The following FAM153A variants were observed in gnomAD, a reference collection of about 807,000 sequenced individuals.
FAM153A encodes protein FAM153A.
FAM153A carries 12 observed loss-of-function variants against 48.1 expected under a neutral mutation model. That is an observed-to-expected ratio of 0.25 (90% CI 0.16 to 0.40). The LOEUF (loss-of-function observed/expected upper bound fraction) is 0.40. Among genes scored for constraint, FAM153A ranks in the 10% least tolerant of loss-of-function variants. The pLI, the probability that FAM153A is intolerant of heterozygous loss-of-function variation, is 1.00. For synonymous variants in FAM153A, 36 were observed against 118.2 expected (o/e 0.30, Z 4.51); for missense variants, 111 against 345.8 (o/e 0.32, Z 5.38).
intron 11 of FAM153A, among the ~76,000 whole-genome samples, chr5:177,736,821 A>AAGG (rs1242458733): frequency 7.8e-4 from 20 of 25,690 alleles, no homozygotes; most frequent in African/African-American, 3.0e-3. Flanking sequence ...TCTCAAGAAG[A>AAGG]CATTTCTCTT....
In FAM153A at chr5:177,769,964, C is replaced by A. The variant is rs1207004706; in HGVS notation, c.-57+10485G>T. Among the ~76,000 whole-genome samples the A allele has an allele frequency of 2.1e-5, 2 of 96,164 alleles. 1 individual carries two copies. Among genetic ancestry groups the A allele is most frequent in the Admixed American group, 2.2e-4 (2 of 9,298 alleles). 63.1% of individuals were successfully genotyped at this position (96,164 alleles called of 152,430 possible). A position where few individuals can be genotyped will look rare whatever the true frequency, so the allele number is the denominator to read the frequency against. On this transcript the variant is annotated intron_variant, in intron 1 of 8. Coordinates refer to the FAM153A transcript ENST00000393518. The stretch of plus-strand genomic sequence containing the variant: ...GCTGCCAGAATGTTCCAATGCTTGC[C>A]CCTTTCCCTAGTAGGAGAAAAAAAT...
rs1227007000 is a variant in FAM153A at position 177,769,821 on chromosome 5, G to A, written c.-57+10628C>T. Among the ~76,000 whole-genome samples, 7 of 96,648 alleles carry A rather than the reference G, an allele frequency of 7.2e-5. 2 individuals carry two copies. Among genetic ancestry groups the A allele is most frequent in the Middle Eastern group, 5.2e-3 (1 of 194 alleles). The allele number at this position is 96,648 out of a possible 152,430, so 63.4% of individuals were successfully genotyped here. ...CACTCCTTTAAGAGCTTATCCACTC[G>A]GAACCACGCCTCACATTCAGAGAGA... On this transcript the variant is annotated intron_variant, in intron 1 of 8. Transcript: ENST00000393518.
chr5:177,739,008 G>A (rs1765130253), intron 10 of FAM153A, 105 bp downstream of exon 12: 1 of 858,312 alleles, frequency 1.2e-6, no homozygotes, highest in African/African-American at 1.8e-5. Context: ...TTTCCAATAG[G>A]AAGCTCCAAT....
At chr5:177,761,348 G>C (rs555654955) in intron 1 of FAM153A, among the ~76,000 whole-genome samples, 2 of 151,866 alleles carry the variant, frequency 1.3e-5, no homozygotes, top group Admixed American at 6.6e-5. Context: ...GGCCGGAAAA[G>C]GGCAGGCCAT....
Position 177,749,491 on chromosome 5 carries a change from T to C in FAM153A, c.176-792A>G, listed in dbSNP as rs1766541455. 1.9e-5 allele frequency among the ~76,000 whole-genome samples: 2 copies of C among 103,176 alleles called. 1 individual carries two copies. Among genetic ancestry groups the C allele is most frequent in the African/African-American group, 7.6e-5 (2 of 26,398 alleles). The allele number at this position is 103,176 out of a possible 152,430, so 67.7% of individuals were successfully genotyped here. On this transcript the variant is annotated intron_variant, in intron 2 of 20. Transcript: ENST00000614127. Reference sequence around the variant, plus strand: ...AATATGAATAGAAGAGGAATTATCCTTGCTGATCCCATAATCATTAAGAAA... The same window carrying C: ...AATATGAATAGAAGAGGAATTATCCCTGCTGATCCCATAATCATTAAGAAA...
rs529775474 is a variant in FAM153A, at chr5:177,715,873, C to CTAT, written c.*1222+469_*1222+471dup. 1.9e-3 allele frequency among the ~76,000 whole-genome samples: 287 copies of CTAT among 151,674 alleles called. 9 individuals carry two copies. The highest frequency in any genetic ancestry group is 6.9e-3 in the African/African-American group (282 of 41,102). ...TTTTTTTTGTAGAAACGGGGTCTTG[C>CTAT]TATTGTTGCCTAGGCTGGTGTCAAA... On this transcript the variant is annotated intron_variant and NMD_transcript_variant, in intron 25 of 26. Coordinates refer to the FAM153A transcript ENST00000360669.
At chr5:177,738,108 T>C (rs879614634) in intron 10 of FAM153A, among the ~76,000 whole-genome samples, 14 of 151,188 alleles carry the variant, frequency 9.3e-5, no homozygotes, top group Non-Finnish European at 1.8e-4. Flanking sequence ...GTGGGGGCGC[T>C]GAACCTCTCC....
intron 1 of FAM153A, among the ~76,000 whole-genome samples, chr5:177,758,396 C>T (rs1026358250): frequency 1.4e-5 from 2 of 146,422 alleles, no homozygotes; most frequent in African/African-American, 5.0e-5. Context: ...AATGGCCATA[C>T]TGCCCAAGGT....
At chr5:177,709,396 CTG>C (rs1323201431), downstream of FAM153A, among the ~76,000 whole-genome samples, 2 of 137,800 alleles carry the variant, frequency 1.5e-5, no homozygotes, top group East Asian at 4.4e-4. Context: ...AAGTCTCACT[CTG>C]TTGCCAGGGC....
At chr5:177,753,187 C>T in exon 1 of FAM153A, 1 of 1,611,536 alleles carries the variant, frequency 6.2e-7, no homozygotes. Context: ...TTCAAGGCAA[C>T]AACTATAAAC....
rs1363570179 is a variant in FAM153A, at chr5:177,771,103, T to C, written c.-57+9346A>G. On this transcript the variant is annotated intron_variant, in intron 1 of 8. Transcript: ENST00000393518. ...AGCATGTGGGCATGATTTCTCAAAT[T>C]GCAGTATAGAAAATACATAAAACAA... Among the ~76,000 whole-genome samples the C allele has an allele frequency of 1.2e-4, 12 of 97,806 alleles. 4 individuals carry two copies. The highest frequency in any genetic ancestry group is 4.4e-4 in the African/African-American group (11 of 24,846). 64.2% of individuals were successfully genotyped at this position (97,806 alleles called of 152,430 possible). A position where few individuals can be genotyped will look rare whatever the true frequency, so the allele number is the denominator to read the frequency against.
downstream of FAM153A, among the ~76,000 whole-genome samples, chr5:177,703,625 AC>A (rs1757642774): frequency 7.2e-6 from 1 of 138,528 alleles, no homozygotes. Flanking sequence ...GGGTGATTGG[AC>A]CATGGAGGCG....
At chr5:177,748,999 C>T (rs1157637020) in intron 2 of FAM153A, among the ~76,000 whole-genome samples, 1 of 144,024 alleles carries the variant, frequency 6.9e-6, no homozygotes, top group Non-Finnish European at 1.5e-5. Context: ...CCATCACCCC[C>T]TTGTGCATTT....
chr5:177,701,158 T>TA, the FAM153A span, among the ~76,000 whole-genome samples: 2 of 151,848 alleles, frequency 1.3e-5, no homozygotes, highest in Non-Finnish European at 2.9e-5. Flanking sequence ...GCTCTGCCTT[T>TA]ACCTTTTGCC....
downstream of FAM153A, among the ~76,000 whole-genome samples, chr5:177,717,664 A>G (rs1440956524): frequency 4.3e-5 from 6 of 140,208 alleles, no homozygotes; most frequent in Non-Finnish European, 9.2e-5. Flanking sequence ...AACAGACGCA[A>G]ACATCTCCTG....
At chr5:177,769,006 G>A (rs1464780445) in intron 1 of FAM153A, among the ~76,000 whole-genome samples, 1 of 89,602 alleles carries the variant, frequency 1.1e-5, no homozygotes, top group African/African-American at 4.5e-5. Context: ...GGCAGATCAC[G>A]AGGTCAGGAG....
At chr5:177,722,863 CAG>C (rs1219555524), downstream of FAM153A, 27 of 150,204 alleles carry the variant, frequency 1.8e-4, no homozygotes, top group African/African-American at 6.6e-4. Context: ...GAGGGTAAAA[CAG>C]ACACACAGAA....
chr5:177,726,130 A>G (rs4046416), intron 18 of FAM153A, among the ~76,000 whole-genome samples: 55 of 140,162 alleles, frequency 3.9e-4, no homozygotes, highest in African/African-American at 8.4e-4. Flanking sequence ...TGCAGGTCCC[A>G]AGAGTGTAGA....
At position 177,729,566 on chromosome 5, in the gene FAM153A, G is replaced by A. The variant is rs1189239826; in HGVS notation, c.863-11C>T. 2 of 1,608,986 alleles carry A rather than the reference G, an allele frequency of 1.2e-6. No individual in the cohort carries two copies. Among genetic ancestry groups the A allele is most frequent in the Middle Eastern group, 2.2e-4 (1 of 4,452 alleles). On this transcript the variant is annotated splice_polypyrimidine_tract_variant and intron_variant, in intron 16 of 20. Transcript: ENST00000614127. ...GGTCTTCCAGGTCACCTAGGAAACA[G>A]AGTCGCTATAAGCACATGAGCTCCA...
Sources: gnomAD v4.1 joint callset for allele counts (sites outside exome capture counted in the v4.1 genomes callset) on GRCh38, gnomAD v4.1.1 for gene constraint, MANE v1.5 for transcripts, NCBI Gene and HGNC (gene_info 2026-07-23, HGNC 2026-07-21) for gene names.